MIDN: variants seen among roughly 807,000 people sequenced by gnomAD.
The protein encoded by MIDN is midbrain nucleolar protein.
MIDN carries 26 observed loss-of-function variants against 46.1 expected under a neutral mutation model. The ratio of observed to expected loss-of-function variants is 0.56; its 90% CI spans 0.41 to 0.78. The LOEUF (loss-of-function observed/expected upper bound fraction) is 0.78. Ranked by LOEUF, MIDN falls within the 30% of genes least tolerant of loss-of-function variation. The pLI, the probability that MIDN is intolerant of heterozygous loss-of-function variation, is 0.00. For synonymous variants in MIDN, 432 were observed against 343.3 expected, an observed-to-expected ratio of 1.26 and a Z score of -2.86; for missense variants, 850 against 771.8, an observed-to-expected ratio of 1.10 and a Z score of -1.20.
rs763172447 is a variant in MIDN at position 1,254,136 on chromosome 19, G to C, written c.514-31G>C. ...TGGGCTGGGGGCGCCGCAAGCTGGG[G>C]CTCCCAGCTGACGGACCGCTCTCCT... On this transcript the variant is annotated intron_variant, in intron 5 of 8. Coordinates refer to ENST00000682408, the MANE Select transcript of MIDN (RefSeq NM_001388306.1). 3.2e-6 allele frequency: 5 copies of C among 1,576,478 alleles called. No individual in the cohort carries two copies. In the South Asian group the frequency reaches 5.7e-5, roughly 18 times the overall value.
At chr19:1,249,503 G>A (rs1376487280) in intron 1 of MIDN, among the ~76,000 whole-genome samples, 2 of 149,702 alleles carry the variant, frequency 1.3e-5, no homozygotes, top group South Asian at 2.1e-4. Context: ...TTGGGATCGC[G>A]AGGGGTACCA....
chr19:1,258,803 GAAAA>G lies in MIDN; in HGVS notation c.*1537_*1540del, dbSNP rs1037224598. The G allele has an allele frequency of 2.7e-5, 4 of 147,386 alleles. No homozygotes were observed. The highest frequency in any genetic ancestry group is 4.5e-5 in the Non-Finnish European group (3 of 66,640). 9.1% of individuals were successfully genotyped at this position (147,386 alleles called of 1,614,324 possible). On this transcript the variant is annotated 3_prime_UTR_variant, in exon 9 of 9. Transcript: ENST00000682408. ...TGTTTTCATTTTTCCAAAAAAAAAA[GAAAA>G]AAAAATAGAAAAAAAAGGAGTAAAA...
chr19:1,253,829 G>T, intron 4 of MIDN, 125 bp from the exon 5 acceptor site: 1 of 715,062 alleles, frequency 1.4e-6, no homozygotes, highest in Admixed American at 4.6e-5. Flanking sequence ...GCAAAGTGAA[G>T]GTTGTTTGAG....
rs548777414 is a variant in MIDN at position 1,251,554 on chromosome 19, C to A, written c.234-8C>A. ...GCGGAGTCTCATGCTCTTCCTTCCT[C>A]CCCCCAGCCGGCTCAGTTCGGGGAA... On this transcript the variant is annotated splice_polypyrimidine_tract_variant and splice_region_variant and intron_variant, in intron 2 of 8. Coordinates refer to ENST00000682408, the MANE Select transcript of MIDN (RefSeq NM_001388306.1). The A allele has an allele frequency of 6.2e-7, 1 of 1,606,240 alleles. No individual in the cohort carries two copies. The highest frequency in any genetic ancestry group is 8.5e-7 in the Non-Finnish European group (1 of 1,177,336).
intron 6 of MIDN, 45 bp from the exon 7 acceptor site, chr19:1,254,857 C>A (rs1004705112): frequency 1.3e-6 from 2 of 1,559,504 alleles, no homozygotes; most frequent in South Asian, 2.3e-5. Context: ...GCTGGTGATC[C>A]CCTGATCCTG....
intron 4 of MIDN, among the ~76,000 whole-genome samples, chr19:1,252,828 T>C (rs12609746): frequency 0.2 from 30,449 of 151,600 alleles, 4,002 homozygotes; most frequent in East Asian, 0.51. Flanking sequence ...AGCTGGGTGG[T>C]CTGCCATGGG....
intron 1 of MIDN, among the ~76,000 whole-genome samples, chr19:1,249,609 G>T (rs1262811221): frequency 6.7e-6 from 1 of 149,418 alleles, no homozygotes; most frequent in Non-Finnish European, 1.5e-5. Context: ...GCGCGGGCGG[G>T]GCGGGGGCGG....
rs556167848 is a variant in MIDN, at chr19:1,251,702, G to A, written c.321+53G>A. 4.8e-5 allele frequency: 75 copies of A among 1,559,966 alleles called. No individual in the cohort carries two copies. The African/African-American group carries it at 9.0e-4, about 19-fold the overall frequency. On this transcript the variant is annotated intron_variant, in intron 3 of 8. Coordinates refer to ENST00000682408, the MANE Select transcript of MIDN (RefSeq NM_001388306.1). ...CAGAGGCCCCCGCACACAGGCAGTA[G>A]CCCCTCCCTCGGTACCTGTCCGCAC...
rs777565691 is a variant in MIDN, at chr19:1,254,990, C to T, written c.914C>T (p.Ser305Phe). ...CCAGGGGCCAGCCCTGCCCCCCGCTCCCGAAAACCCGGCGCCGTCATCGAG... is the reference window on the plus strand; with the variant it reads ...CCAGGGGCCAGCCCTGCCCCCCGCTTCCGAAAACCCGGCGCCGTCATCGAG... ...STPGASPAPR[S>F]RKPGAVIESF... The change falls in exon 7 of 9, where the codon TCC becomes TTC. Residue 305 changes from serine to phenylalanine, a missense_variant. Transcript: ENST00000682408. 1.2e-6 allele frequency: 2 copies of T among 1,613,232 alleles called. No individual in the cohort carries two copies. The highest frequency in any genetic ancestry group is 1.7e-5 in the Admixed American group (1 of 60,008).
Position 1,250,879 on chromosome 19 carries a change from C to T in MIDN, c.233+350C>T, listed in dbSNP as rs987669473. ...GCTTCCGCATCTGCTCGGCGGCCTC[C>T]TCTGCGTCTGGCTGTCTCCCCCCAC... is the stretch of plus-strand genomic sequence containing the variant. On this transcript the variant is annotated intron_variant, in intron 2 of 8. Coordinates refer to ENST00000682408, the MANE Select transcript of MIDN (RefSeq NM_001388306.1). Among the ~76,000 whole-genome samples, 26 of 152,102 alleles carry T rather than the reference C, an allele frequency of 1.7e-4. 1 individual carries two copies. Among genetic ancestry groups the T allele is most frequent in the Admixed American group, 1.4e-3 (22 of 15,288 alleles).
At chr19:1,255,774 C>T in intron 8 of MIDN, 80 bp downstream of exon 8, 1 of 1,345,796 alleles carries the variant, frequency 7.4e-7, no homozygotes, top group South Asian at 1.5e-5. Context: ...CTGGTGGGCT[C>T]AGGAGCAGCT....
rs903746297 is a variant in MIDN, at chr19:1,257,695, G to A, written c.*423G>A. 5.4e-6 allele frequency: 1 copy of A among 183,668 alleles called. No individual in the cohort carries two copies. Among genetic ancestry groups the A allele is most frequent in the Non-Finnish European group, 1.1e-5 (1 of 88,246 alleles). 11.4% of individuals were successfully genotyped at this position (183,668 alleles called of 1,614,324 possible). On this transcript the variant is annotated 3_prime_UTR_variant, in exon 9 of 9. Transcript: ENST00000682408. ...TCCTTTCCCCCCCGACCCTATTCAG[G>A]TTTTAAGTCAAAAATGTCGATATGT... is the stretch of plus-strand genomic sequence containing the variant.
At position 1,249,923 on chromosome 19, in the gene MIDN, G is replaced by A. The variant is rs1444113308; in HGVS notation, c.-374G>A. Reference sequence around the variant, plus strand: ...AGCGGCGGCGACGGCTGTTGCTAAGGGAGGGGACGCGCGAGGAAGCGCGAC... The same window carrying A: ...AGCGGCGGCGACGGCTGTTGCTAAGAGAGGGGACGCGCGAGGAAGCGCGAC... On this transcript the variant is annotated 5_prime_UTR_variant, in exon 2 of 9. Coordinates refer to ENST00000682408, the MANE Select transcript of MIDN (RefSeq NM_001388306.1). 1 of 152,084 alleles carries A rather than the reference G, an allele frequency of 6.6e-6. No individual in the cohort carries two copies. The highest frequency in any genetic ancestry group is 2.4e-5 in the African/African-American group (1 of 41,498). 9.4% of individuals were successfully genotyped at this position (152,084 alleles called of 1,614,324 possible).
intron 2 of MIDN, 111 bp from the exon 3 acceptor site, chr19:1,251,451 T>G (rs1225265634): frequency 8.8e-6 from 8 of 905,140 alleles, no homozygotes; most frequent in African/African-American, 3.7e-5. Context: ...GGGGTGGGGG[T>G]GGGAACTTAT....
chr19:1,251,706 C>T, intron 3 of MIDN, 57 bp downstream of exon 3: 2 of 1,552,824 alleles, frequency 1.3e-6, no homozygotes, highest in Non-Finnish European at 1.8e-6. Flanking sequence ...GCAGTAGCCC[C>T]TCCCTCGGTA....
chr19:1,248,844 A>C (rs921756049), intron 1 of MIDN, among the ~76,000 whole-genome samples, 184 bp downstream of exon 1: 29 of 151,444 alleles, frequency 1.9e-4, no homozygotes, highest in Non-Finnish European at 4.1e-4. Flanking sequence ...GCCGGACCTC[A>C]GCCCCCGCCC....
chr19:1,255,367 C>G (rs1445727531), intron 7 of MIDN, 55 bp from the exon 8 acceptor site: 1 of 1,518,490 alleles, frequency 6.6e-7, no homozygotes, highest in Admixed American at 2.0e-5. Flanking sequence ...GACGCCCGTC[C>G]TGGACATGCG....
intron 4 of MIDN, among the ~76,000 whole-genome samples, chr19:1,253,442 A>G (rs531302519): frequency 7.6e-6 from 1 of 132,254 alleles, no homozygotes; most frequent in South Asian, 2.8e-4. Flanking sequence ...CATCCCGGCC[A>G]CTGGGGAGAG....
intron 4 of MIDN, among the ~76,000 whole-genome samples, chr19:1,252,532 G>C (rs372480468): frequency 6.6e-6 from 1 of 152,126 alleles, no homozygotes; most frequent in Admixed American, 6.5e-5. Flanking sequence ...CCGGTTCCCG[G>C]TTTTGCTGCG....
Sources: gnomAD v4.1 joint callset for allele counts (sites outside exome capture counted in the v4.1 genomes callset) on GRCh38, gnomAD v4.1.1 for gene constraint, MANE v1.5 for transcripts, NCBI Gene and HGNC (gene_info 2026-07-23, HGNC 2026-07-21) for gene names.